Variants in EYA1 observed in about 807,000 individuals in gnomAD.
EYA1 encodes EYA transcriptional coactivator and phosphatase 1, also known as protein phosphatase EYA1.
EYA1 carries 16 observed loss-of-function variants against 82.0 expected under a neutral mutation model. The observed-to-expected ratio is 0.20, with a 90% CI of 0.13 to 0.30. The LOEUF (loss-of-function observed/expected upper bound fraction) is 0.30. Ranked by LOEUF, EYA1 falls within the 10% of genes least tolerant of loss-of-function variation. The pLI, the probability that EYA1 is intolerant of heterozygous loss-of-function variation, is 1.00. For synonymous variants in EYA1, 261 were observed against 264.4 expected (o/e 0.99, Z 0.12); for missense variants, 633 against 730.7 (o/e 0.87, Z 1.54).
At chr8:71,442,509 T>C (rs745589189) in intron 2 of EYA1, among the ~76,000 whole-genome samples, 1 of 152,220 alleles carries the variant, frequency 6.6e-6, no homozygotes, top group Non-Finnish European at 1.5e-5. Context: ...TTCCGCTTCA[T>C]CTCAGGATGA....
At chr8:71,476,857 T>C (rs1326218089) in intron 2 of EYA1, among the ~76,000 whole-genome samples, 1 of 152,056 alleles carries the variant, frequency 6.6e-6, no homozygotes, top group African/African-American at 2.4e-5. Flanking sequence ...CAAAAAAGTG[T>C]TGTACTGGCA....
intron 7 of EYA1, among the ~76,000 whole-genome samples, chr8:71,304,404 C>G (rs1459686281): frequency 7.0e-6 from 1 of 142,742 alleles, no homozygotes; most frequent in African/African-American, 2.5e-5. Context: ...CTCAGAATGG[C>G]AAGGTTTTTG....
chr8:71,369,171 C>G (rs927435571), intron 2 of EYA1, among the ~76,000 whole-genome samples: 1 of 148,498 alleles, frequency 6.7e-6, no homozygotes, highest in Non-Finnish European at 1.5e-5. Flanking sequence ...TCACTGCTCT[C>G]CAGCCTGGGC....
chr8:71,502,966 G>A (rs1811922843), intron 2 of EYA1, among the ~76,000 whole-genome samples: 1 of 152,098 alleles, frequency 6.6e-6, no homozygotes, highest in Non-Finnish European at 1.5e-5. Context: ...ATTGTAGCAA[G>A]GTCTTTTTTT....
chr8:71,400,459 AC>A (rs1309681246), intron 2 of EYA1, among the ~76,000 whole-genome samples: 1 of 150,918 alleles, frequency 6.6e-6, no homozygotes, highest in Non-Finnish European at 1.5e-5. Context: ...AGAAAAAAAA[AC>A]ATTAAAAAGT....
chr8:71,447,301 A>C (rs1290838374), intron 2 of EYA1, among the ~76,000 whole-genome samples: 1 of 151,922 alleles, frequency 6.6e-6, no homozygotes, highest in Non-Finnish European at 1.5e-5. Context: ...ATTTTTTTTA[A>C]GTCTGAAATA....
chr8:71,369,032 CAAAAAAAAAA>C (rs60647486), intron 2 of EYA1, among the ~76,000 whole-genome samples: 77 of 112,838 alleles, frequency 6.8e-4, no homozygotes, highest in East Asian at 9.1e-4. Context: ...ACTAAAAATA[CAAAAAAAAAA>C]AAAAAAAAAA....
chr8:71,484,819 C>A (rs1163153116), intron 2 of EYA1, among the ~76,000 whole-genome samples: 1 of 152,202 alleles, frequency 6.6e-6, no homozygotes, highest in Non-Finnish European at 1.5e-5. Flanking sequence ...GTCTTACCAC[C>A]CTCCTTCCAT....
intron 2 of EYA1, among the ~76,000 whole-genome samples, chr8:71,422,191 C>A (rs970777118): frequency 1.9e-4 from 29 of 152,102 alleles, no homozygotes; most frequent in Admixed American, 8.5e-4. Context: ...GGGAAGCCTC[C>A]CAGATATATT....
chr8:71,322,022 T>C, intron 5 of EYA1, 143 bp from the exon 6 acceptor site: 1 of 1,181,882 alleles, frequency 8.5e-7, no homozygotes. Context: ...AGCACTGAAA[T>C]ACTTCAGTGT....
chr8:71,484,881 C>T (rs936983488), intron 2 of EYA1, among the ~76,000 whole-genome samples: 34 of 152,184 alleles, frequency 2.2e-4, no homozygotes, highest in African/African-American at 8.2e-4. Context: ...TCCCGGGGGA[C>T]CTGGAGGGTA....
intron 3 of EYA1, among the ~76,000 whole-genome samples, chr8:71,343,272 G>A (rs1362575118): frequency 6.6e-6 from 1 of 152,136 alleles, no homozygotes; most frequent in Non-Finnish European, 1.5e-5. Flanking sequence ...TTCCCCAAGT[G>A]CTTTCTCCCC....
intron 8 of EYA1, 51 bp downstream of exon 8, chr8:71,299,587 A>G: frequency 1.0e-6 from 1 of 996,382 alleles, no homozygotes; most frequent in Non-Finnish European, 1.6e-6. Flanking sequence ...TAAGAAAATC[A>G]TGTTGCATTT....
rs1829067458 is a variant in EYA1, at chr8:71,388,115, A to G, written c.34-31604T>C. On this transcript the variant is annotated intron_variant, in intron 2 of 18. Transcript: ENST00000643681. Reference sequence around the variant, plus strand: ...AAACTGAGCTACCCTCAAAAAGAAAATACCTTGCCCAAGGTCACTATCAAG... The same window carrying G: ...AAACTGAGCTACCCTCAAAAAGAAAGTACCTTGCCCAAGGTCACTATCAAG... Among the ~76,000 whole-genome samples the G allele has an allele frequency of 2.0e-5, 3 of 152,148 alleles. No individual in the cohort carries two copies. The South Asian group carries it at 6.2e-4, about 32-fold the overall frequency.
At chr8:71,266,040 C>T (rs1214568636) in intron 11 of EYA1, among the ~76,000 whole-genome samples, 1 of 152,154 alleles carries the variant, frequency 6.6e-6, no homozygotes, top group Non-Finnish European at 1.5e-5. Flanking sequence ...CTGTAACATG[C>T]CCTAATTTTG....
intron 2 of EYA1, among the ~76,000 whole-genome samples, chr8:71,429,934 C>A (rs1330024577): frequency 6.6e-6 from 1 of 152,064 alleles, no homozygotes; most frequent in Non-Finnish European, 1.5e-5. Flanking sequence ...CAGTCAAGTC[C>A]TCTGTGAAAA....
At position 71,471,945 on chromosome 8, in the gene EYA1, C is replaced by T. The variant is rs564590230; in HGVS notation, c.33+63799G>A. Among the ~76,000 whole-genome samples the T allele has an allele frequency of 4.8e-4, 73 of 152,172 alleles. 1 individual carries two copies. In the South Asian group the frequency reaches 6.0e-3, roughly 13 times the overall value. On this transcript the variant is annotated intron_variant, in intron 2 of 18. Transcript: ENST00000643681. ...ACACAAAATCACTGTTTGTATGCTT[C>T]TTGTAAGGCTTGTCAGTCTCTTCCA...
rs993933885 is a variant in EYA1, at chr8:71,215,370, A to G, written c.1597+17T>C. 1.2e-6 allele frequency: 2 copies of G among 1,610,564 alleles called. No homozygotes were observed. Among genetic ancestry groups the G allele is most frequent in the African/African-American group, 2.7e-5 (2 of 74,830 alleles). ...GGAAAAGAGCTGATTGTTAAAAAGA[A>G]AAGAAAAGCAGCTCACCTATTTTAG... is the stretch of plus-strand genomic sequence containing the variant. On this transcript the variant is annotated intron_variant, in intron 16 of 17. Transcript: ENST00000340726.
At chr8:71,273,838 T>C (rs1478064524) in intron 9 of EYA1, among the ~76,000 whole-genome samples, 1 of 152,210 alleles carries the variant, frequency 6.6e-6, no homozygotes, top group East Asian at 1.9e-4. Context: ...CATCGAGCAA[T>C]GTAAGTTAGC....
Sources: gnomAD v4.1 joint callset for allele counts (sites outside exome capture counted in the v4.1 genomes callset) on GRCh38, gnomAD v4.1.1 for gene constraint, MANE v1.5 for transcripts, NCBI Gene and HGNC (gene_info 2026-07-23, HGNC 2026-07-21) for gene names.